Variants in SLFN12L observed in about 807,000 individuals in gnomAD.
SLFN12L encodes the protein schlafen family member 12-like.
Under a neutral mutation model 34.8 loss-of-function variants are expected in SLFN12L, and 34 were observed. The observed-to-expected ratio is 0.98, with a 90% CI of 0.74 to 1.30. SLFN12L has a LOEUF of 1.30. Ranked by LOEUF, SLFN12L falls within the 50% of genes most tolerant of loss-of-function variation. The probability of loss-of-function intolerance (pLI) is 0.00; values close to 1 mark genes in which losing one functional copy is unlikely to be tolerated. For missense variants in SLFN12L, 703 were observed against 696.2 expected, an observed-to-expected ratio of 1.01 and a Z score of -0.11; for synonymous variants, 259 against 247.5, an observed-to-expected ratio of 1.05 and a Z score of -0.44.
chr17:35,530,521 A>AAG (rs2072398825), intron 1 of SLFN12L, among the ~76,000 whole-genome samples: 1 of 41,574 alleles, frequency 2.4e-5, no homozygotes, highest in African/African-American at 7.9e-5. Context: ...AGAAAAGAAA[A>AAG]GAAAAGAAAA....
chr17:35,478,037 T>G, intron 4 of SLFN12L, 38 bp downstream of exon 4: 2 of 1,329,402 alleles, frequency 1.5e-6, no homozygotes, highest in Non-Finnish European at 2.1e-6. Context: ...TTGAACACAG[T>G]TACACCAACA....
intron 2 of SLFN12L, among the ~76,000 whole-genome samples, chr17:35,496,268 G>A (rs915663770): frequency 5.3e-5 from 8 of 151,956 alleles, no homozygotes; most frequent in Admixed American, 3.3e-4. Flanking sequence ...CGAATCTTAT[G>A]AGCCCAGGAA....
intron 2 of SLFN12L, among the ~76,000 whole-genome samples, chr17:35,516,233 G>T (rs188141802): frequency 1.3e-5 from 2 of 152,124 alleles, no homozygotes; most frequent in African/African-American, 2.4e-5. Flanking sequence ...TATTACTTCA[G>T]CATCAAAAAG....
chr17:35,490,900 GACA>G, intron 2 of SLFN12L: 1 of 830,150 alleles, frequency 1.2e-6, no homozygotes. Flanking sequence ...ACAGTCCAAT[GACA>G]ACAAACAACC....
At chr17:35,510,977 T>C (rs901084293) in intron 2 of SLFN12L, among the ~76,000 whole-genome samples, 3 of 152,150 alleles carry the variant, frequency 2.0e-5, no homozygotes, top group African/African-American at 4.8e-5. Context: ...ACTCAAACTG[T>C]TGAGAGAGAG....
chr17:35,533,813 G>A (rs901637405), intron 1 of SLFN12L, among the ~76,000 whole-genome samples: 2 of 152,204 alleles, frequency 1.3e-5, no homozygotes, highest in African/African-American at 4.8e-5. Flanking sequence ...AGACACCATA[G>A]CTCACGCCTG....
rs376120227 is a variant in SLFN12L, at chr17:35,515,095, G to T, written c.86+7184C>A. On this transcript the variant is annotated intron_variant, in intron 2 of 4. Transcript: ENST00000628453. ...TCTGGACGCCTATTCTTTAAGTTGG[G>T]GTCACTTCAGTCTTTTGCGGTCGAA... The T allele has an allele frequency of 1.2e-4, 78 of 629,508 alleles. No individual in the cohort carries two copies. In the African/African-American group the frequency reaches 1.4e-3, roughly 11 times the overall value. The allele number at this position is 629,508 out of a possible 1,614,324, so 39.0% of individuals were successfully genotyped here.
At chr17:35,534,132 G>C (rs961198602) in intron 1 of SLFN12L, among the ~76,000 whole-genome samples, 1 of 152,140 alleles carries the variant, frequency 6.6e-6, no homozygotes, top group East Asian at 1.9e-4. Context: ...GGAGGCCCTG[G>C]TGGGCAGATC....
Position 35,475,148 on chromosome 17 carries a change from T to C in SLFN12L, c.1614A>G (p.Thr538=), listed in dbSNP as rs1323736688. Residue 538 remains threonine (T), a synonymous_variant, in exon 5 of 5, where the codon ACA becomes ACG. Coordinates refer to ENST00000628453, the MANE Select transcript of SLFN12L (RefSeq NM_001363830.2). ...CTTCAGGGCTCAAGTAGAAGATCTT[T>C]GTCATGACACACACTTTTTTAGTGT... ...GGYTKKVCVM[T]KIFYLSPEGK... The C allele has an allele frequency of 1.2e-6, 2 of 1,614,212 alleles. No homozygotes were observed. Among genetic ancestry groups the C allele is most frequent in the African/African-American group, 2.7e-5 (2 of 75,060 alleles).
intron 1 of SLFN12L, among the ~76,000 whole-genome samples, chr17:35,525,864 C>T (rs1302230564): frequency 6.6e-6 from 1 of 152,162 alleles, no homozygotes; most frequent in Non-Finnish European, 1.5e-5. Context: ...ACAATATTAA[C>T]CTTAAATGTA....
chr17:35,512,196 C>T (rs967195204), intron 2 of SLFN12L, among the ~76,000 whole-genome samples: 3 of 123,064 alleles, frequency 2.4e-5, no homozygotes, highest in Admixed American at 8.1e-5. Flanking sequence ...GCTCTGTCGC[C>T]CAGGCTGGAG....
rs1465690323 is a variant in SLFN12L, at chr17:35,495,944, CACAA to C, written c.87-15753_87-15750del. ...ACACACACACACACACACACACACA[CACAA>C]CAAAACGCCAAGACGTGCCAGTGTC... On this transcript the variant is annotated intron_variant, in intron 2 of 4. Coordinates refer to ENST00000628453, the MANE Select transcript of SLFN12L (RefSeq NM_001363830.2). 6.7e-4 allele frequency among the ~76,000 whole-genome samples: 90 copies of C among 133,954 alleles called. 1 individual carries two copies. The highest frequency in any genetic ancestry group is 2.3e-3 in the African/African-American group (78 of 34,054). The allele number at this position is 133,954 out of a possible 152,430, so 87.9% of individuals were successfully genotyped here.
At chr17:35,477,919 T>C (rs1056042447) in intron 4 of SLFN12L, 156 bp downstream of exon 4, 2 of 541,460 alleles carry the variant, frequency 3.7e-6, no homozygotes, top group African/African-American at 4.0e-5. Context: ...CCTAAAGAAA[T>C]AGAATTTGAC....
intron 2 of SLFN12L, among the ~76,000 whole-genome samples, chr17:35,483,892 T>C (rs541045889): frequency 3.0e-4 from 45 of 152,338 alleles, no homozygotes; most frequent in South Asian, 1.0e-3. Context: ...TTTGTCTCTA[T>C]AAATTTCTGA....
chr17:35,495,741 C>A (rs1209713241), intron 2 of SLFN12L, among the ~76,000 whole-genome samples: 1 of 136,732 alleles, frequency 7.3e-6, no homozygotes, highest in Non-Finnish European at 1.5e-5. Flanking sequence ...CGACCCTTTT[C>A]GGGGCAGGCA....
chr17:35,486,407 G>T (rs1309589669), intron 2 of SLFN12L, among the ~76,000 whole-genome samples: 1 of 152,050 alleles, frequency 6.6e-6, no homozygotes, highest in Non-Finnish European at 1.5e-5. Context: ...CTTAAGGAGG[G>T]TACGCATACC....
intron 2 of SLFN12L, among the ~76,000 whole-genome samples, chr17:35,486,929 GC>G (rs1914603338): frequency 6.6e-6 from 1 of 152,332 alleles, no homozygotes; most frequent in South Asian, 2.1e-4. Flanking sequence ...AGCGTGATTT[GC>G]CGTCTTCGGA....
At chr17:35,482,569 A>G (rs115981211) in intron 2 of SLFN12L, among the ~76,000 whole-genome samples, 33 of 152,144 alleles carry the variant, frequency 2.2e-4, no homozygotes, top group African/African-American at 7.7e-4. Context: ...AGCCACCCAA[A>G]TCGAGATTGC....
chr17:35,490,064 G>A (rs1914770214), intron 2 of SLFN12L: 9 of 1,605,956 alleles, frequency 5.6e-6, no homozygotes, highest in Non-Finnish European at 7.7e-6. Context: ...CCTCCAAAGC[G>A]GCGCCGTAGC....
Sources: gnomAD v4.1 joint callset for allele counts (sites outside exome capture counted in the v4.1 genomes callset) on GRCh38, gnomAD v4.1.1 for gene constraint, MANE v1.5 for transcripts, NCBI Gene and HGNC (gene_info 2026-07-23, HGNC 2026-07-21) for gene names.